ZDHHC3: variants seen among roughly 807,000 people sequenced by gnomAD.
ZDHHC3 encodes the protein palmitoyltransferase ZDHHC3.
Under a neutral mutation model 30.6 loss-of-function variants are expected in ZDHHC3, and 9 were observed. That is an observed-to-expected ratio of 0.29 (90% CI 0.18 to 0.51). The LOEUF (loss-of-function observed/expected upper bound fraction) is 0.51, where lower values mean the gene tolerates loss of function less well. Among genes scored for constraint, ZDHHC3 ranks in the 20% least tolerant of loss-of-function variants. The pLI, the probability that ZDHHC3 is intolerant of heterozygous loss-of-function variation, is 0.97. For missense variants in ZDHHC3, 246 were observed against 384.2 expected (o/e 0.64, Z 3.01); for synonymous variants, 136 against 140.2 (o/e 0.97, Z 0.21).
In ZDHHC3 at chr3:44,922,521, C is replaced by G. The variant is rs1040297955; in HGVS notation, c.*4168G>C. The G allele has an allele frequency of 1.9e-5, 19 of 985,428 alleles. No homozygotes were observed. In the African/African-American group the frequency reaches 2.8e-4, roughly 14 times the overall value. 61.0% of individuals were successfully genotyped at this position (985,428 alleles called of 1,614,324 possible). A position where few individuals can be genotyped will look rare whatever the true frequency, so the allele number is the denominator to read the frequency against. ...GCCGCAGCTTATGAGGGAAGGCAGT[C>G]TCAGTGGCTTCTCCGCGGAGGGAAC... is the stretch of plus-strand genomic sequence containing the variant. On this transcript the variant is annotated 3_prime_UTR_variant, in exon 7 of 7. Coordinates refer to ENST00000424952, the MANE Select transcript of ZDHHC3 (RefSeq NM_001135179.2).
In ZDHHC3 at chr3:44,923,668, T is replaced by TA; in HGVS notation, c.*3020dup. The TA allele has an allele frequency of 1.3e-6, 1 of 748,558 alleles. No individual in the cohort carries two copies. Among genetic ancestry groups the TA allele is most frequent in the Non-Finnish European group, 1.6e-6 (1 of 614,110 alleles). The allele number at this position is 748,558 out of a possible 1,614,324, so 46.4% of individuals were successfully genotyped here. A position where few individuals can be genotyped will look rare whatever the true frequency, so the allele number is the denominator to read the frequency against. On this transcript the variant is annotated 3_prime_UTR_variant, in exon 7 of 7. Transcript: ENST00000424952. ...AAACAAAAAAATTAGCCAGGCATGG[T>TA]AGTACGTGCCTGTAGCCCTGGATAT...
rs1342523311 is a variant in ZDHHC3, at chr3:44,916,131, C to T, written c.*10558G>A. ...GCCTGCAGCCTGAGTGTGGGAGGCC[C>T]AATGTCTTTCTGGTTGCTCTGTTGA... On this transcript the variant is annotated 3_prime_UTR_variant, in exon 7 of 7. Transcript: ENST00000424952. 1 of 152,158 alleles carries T rather than the reference C, an allele frequency of 6.6e-6. No individual in the cohort carries two copies. The highest frequency in any genetic ancestry group is 1.5e-5 in the Non-Finnish European group (1 of 68,028). The allele number at this position is 152,158 out of a possible 1,614,324, so 9.4% of individuals were successfully genotyped here. A position where few individuals can be genotyped will look rare whatever the true frequency, so the allele number is the denominator to read the frequency against.
At chr3:44,941,393 G>T (rs1284781610) in intron 3 of ZDHHC3, among the ~76,000 whole-genome samples, 1 of 152,168 alleles carries the variant, frequency 6.6e-6, no homozygotes, top group Non-Finnish European at 1.5e-5. Context: ...GAGAAACTTA[G>T]GTTCTCCAAT....
At chr3:44,946,084 G>A (rs1489043918) in intron 2 of ZDHHC3, among the ~76,000 whole-genome samples, 3 of 152,170 alleles carry the variant, frequency 2.0e-5, no homozygotes, top group African/African-American at 7.2e-5. Flanking sequence ...ATCAAAATTT[G>A]CAGCTCCACA....
chr3:44,927,827 T>C (rs1701130882), intron 6 of ZDHHC3, among the ~76,000 whole-genome samples: 3 of 152,198 alleles, frequency 2.0e-5, no homozygotes, highest in South Asian at 2.1e-4. Flanking sequence ...CTGTGGTCTC[T>C]AGTAAAGGGG....
chr3:44,944,906 A>G (rs776082817), intron 3 of ZDHHC3, among the ~76,000 whole-genome samples: 9 of 152,216 alleles, frequency 5.9e-5, no homozygotes, highest in Admixed American at 2.6e-4. Flanking sequence ...CCCAGGTCCT[A>G]TGTCAGGTGT....
rs889878057 is a variant in ZDHHC3 at position 44,926,592 on chromosome 3, T to C, written c.*97A>G. On this transcript the variant is annotated 3_prime_UTR_variant, in exon 7 of 7. Transcript: ENST00000424952. ...ACATAAAAAAAGTTTTAAGAGTAGT[T>C]GTTTTGCTTTTTCGATTTAAACATT... 5.9e-4 allele frequency: 773 copies of C among 1,304,726 alleles called. 2 individuals are homozygous for C. The highest frequency in any genetic ancestry group is 6.4e-4 in the Non-Finnish European group (655 of 1,019,488). The allele number at this position is 1,304,726 out of a possible 1,614,324, so 80.8% of individuals were successfully genotyped here.
chr3:44,917,412 TG>T lies in ZDHHC3; in HGVS notation c.*9276del, dbSNP rs1441518033. On this transcript the variant is annotated 3_prime_UTR_variant, in exon 7 of 7. Coordinates refer to ENST00000424952, the MANE Select transcript of ZDHHC3 (RefSeq NM_001135179.2). The stretch of plus-strand genomic sequence containing the variant: ...CCAGGCTAGTCTCCCCTGATGTCAG[TG>T]TCCCAACCCAGGTCCCCAAGGCAAG... The T allele has an allele frequency of 5.9e-6, 1 of 170,454 alleles. No individual in the cohort carries two copies. Among genetic ancestry groups the T allele is most frequent in the African/African-American group, 2.4e-5 (1 of 41,910 alleles). The allele number at this position is 170,454 out of a possible 1,614,324, so 10.6% of individuals were successfully genotyped here.
chr3:44,932,791 T>TTC (rs1425418415), intron 5 of ZDHHC3: 19 of 910,480 alleles, frequency 2.1e-5, no homozygotes, highest in Non-Finnish European at 3.1e-5. Context: ...AAAACAAAAC[T>TTC]TCTCTCCCAG....
chr3:44,961,705 T>C (rs951338987), intron 1 of ZDHHC3, among the ~76,000 whole-genome samples: 1 of 152,246 alleles, frequency 6.6e-6, no homozygotes, highest in Non-Finnish European at 1.5e-5. Context: ...CAAAAGCTGA[T>C]TGAAGCTCTA....
chr3:44,950,606 C>A (rs571953541), intron 2 of ZDHHC3, among the ~76,000 whole-genome samples: 95 of 152,368 alleles, frequency 6.2e-4, no homozygotes, highest in African/African-American at 2.0e-3. Flanking sequence ...ATCCAACCAC[C>A]TGAGCCCACC....
chr3:44,961,144 G>C (rs868665386), intron 1 of ZDHHC3, among the ~76,000 whole-genome samples: 1 of 152,364 alleles, frequency 6.6e-6, no homozygotes, highest in Middle Eastern at 3.4e-3. Flanking sequence ...AGTAATCCCA[G>C]CACTTTGGGA....
Position 44,923,318 on chromosome 3 carries a change from T to C in ZDHHC3, c.*3371A>G. 2 of 980,160 alleles carry C rather than the reference T, an allele frequency of 2.0e-6. No individual in the cohort carries two copies. The highest frequency in any genetic ancestry group is 2.4e-6 in the Non-Finnish European group (2 of 825,214). The allele number at this position is 980,160 out of a possible 1,614,324, so 60.7% of individuals were successfully genotyped here. ...ATCTCGATCTCTTGACCTCGTGATC[T>C]GCCCGCCTCGGCCTCCCAAAGTGCT... On this transcript the variant is annotated 3_prime_UTR_variant, in exon 7 of 7. Transcript: ENST00000424952.
At chr3:44,937,733 G>A in intron 3 of ZDHHC3, 1 of 246,252 alleles carries the variant, frequency 4.1e-6, no homozygotes, top group South Asian at 4.8e-5. Flanking sequence ...CACCAGGAGT[G>A]AAGTCAGTGC....
At position 44,926,204 on chromosome 3, in the gene ZDHHC3, G is replaced by T. The variant is rs1221335455; in HGVS notation, c.*485C>A. On this transcript the variant is annotated 3_prime_UTR_variant, in exon 7 of 7. Transcript: ENST00000424952. ...GATCCTGCCCTTCTCAGGCCTCAAG[G>T]GGTAAGCATCCATCTTCGGTGAGGT... 5.1e-6 allele frequency: 5 copies of T among 985,842 alleles called. No individual in the cohort carries two copies. Among genetic ancestry groups the T allele is most frequent in the Non-Finnish European group, 6.0e-6 (5 of 830,282 alleles). 61.1% of individuals were successfully genotyped at this position (985,842 alleles called of 1,614,324 possible).
At position 44,916,247 on chromosome 3, in the gene ZDHHC3, C is replaced by T. The variant is rs1169302433; in HGVS notation, c.*10442G>A. On this transcript the variant is annotated 3_prime_UTR_variant, in exon 7 of 7. Transcript: ENST00000424952. ...AGAGGTGGCTTTGTGAACACTGGGC[C>T]CTTTGAGCAATTAACCCCAGGCCCT... is the stretch of plus-strand genomic sequence containing the variant. 1 of 152,138 alleles carries T rather than the reference C, an allele frequency of 6.6e-6. No homozygotes were observed. Among genetic ancestry groups the T allele is most frequent in the East Asian group, 1.9e-4 (1 of 5,170 alleles). The allele number at this position is 152,138 out of a possible 1,614,324, so 9.4% of individuals were successfully genotyped here.
At chr3:44,935,040 C>T (rs149255903) in intron 3 of ZDHHC3, among the ~76,000 whole-genome samples, 2 of 152,160 alleles carry the variant, frequency 1.3e-5, no homozygotes, top group South Asian at 4.1e-4. Flanking sequence ...ACCCGCTCCC[C>T]CTTTGGACAA....
intron 3 of ZDHHC3, among the ~76,000 whole-genome samples, chr3:44,940,978 T>G (rs566213074): frequency 6.6e-6 from 1 of 152,292 alleles, no homozygotes; most frequent in South Asian, 2.1e-4. Context: ...CCTGCCCTGC[T>G]TGGGTGGCAG....
At chr3:44,926,928 G>A (rs1701041107) in intron 6 of ZDHHC3, 81 bp from the exon 7 acceptor site, 2 of 1,482,762 alleles carry the variant, frequency 1.3e-6, no homozygotes, top group East Asian at 2.4e-5. Context: ...AGCGACAGGT[G>A]AATGGAGTAA....
Sources: allele counts gnomAD v4.1 joint callset (sites outside exome capture counted in the v4.1 genomes callset), GRCh38; gene constraint gnomAD v4.1.1; transcripts MANE v1.5; gene names NCBI Gene and HGNC (gene_info 2026-07-23, HGNC 2026-07-21).